The following CDH18 variants were observed in gnomAD, a reference collection of about 807,000 sequenced individuals.
CDH18 encodes cadherin 18.
A neutral mutation model predicts 67.9 loss-of-function variants in CDH18; 31 were observed. That is an observed-to-expected ratio of 0.46 (90% CI 0.34 to 0.62). The LOEUF (loss-of-function observed/expected upper bound fraction) is 0.62. Ranked by LOEUF, CDH18 falls within the 20% of genes least tolerant of loss-of-function variation. The probability of loss-of-function intolerance (pLI) is 0.01; values close to 1 mark genes in which losing one functional copy is unlikely to be tolerated. For missense variants in CDH18, 890 were observed against 975.5 expected, an observed-to-expected ratio of 0.91 and a Z score of 1.17; for synonymous variants, 362 against 347.2, an observed-to-expected ratio of 1.04 and a Z score of -0.48.
intron 3 of CDH18, among the ~76,000 whole-genome samples, chr5:19,754,600 G>A (rs1182412906): frequency 6.6e-6 from 1 of 152,114 alleles, no homozygotes; most frequent in African/African-American, 2.4e-5. Flanking sequence ...GCACTAGACA[G>A]GTCATCAAGA....
At chr5:20,400,717 G>A (rs1450571975) in intron 1 of CDH18, among the ~76,000 whole-genome samples, 1 of 151,988 alleles carries the variant, frequency 6.6e-6, no homozygotes, top group Non-Finnish European at 1.5e-5. Flanking sequence ...AACAGAGATG[G>A]TGCCACTGCA....
intron 1 of CDH18, among the ~76,000 whole-genome samples, chr5:20,319,337 C>T (rs184636060): frequency 1.3e-5 from 2 of 152,166 alleles, no homozygotes; most frequent in Non-Finnish European, 2.9e-5. Flanking sequence ...AATATATTTG[C>T]TTGTTTTCTC....
intron 2 of CDH18, among the ~76,000 whole-genome samples, chr5:19,883,191 C>G (rs1009006294): frequency 1.3e-5 from 2 of 152,112 alleles, no homozygotes; most frequent in South Asian, 2.1e-4. Flanking sequence ...TTTAAATAAG[C>G]TTTTCAGATG....
intron 5 of CDH18, among the ~76,000 whole-genome samples, chr5:19,642,459 A>G (rs1419725929): frequency 6.6e-6 from 1 of 152,054 alleles, no homozygotes; most frequent in African/African-American, 2.4e-5. Context: ...AAACACCATA[A>G]TACTTAAACA....
intron 7 of CDH18, among the ~76,000 whole-genome samples, chr5:19,576,710 C>T (rs1164075046): frequency 1.3e-5 from 2 of 152,094 alleles, no homozygotes; most frequent in Non-Finnish European, 2.9e-5. Flanking sequence ...GTAGAATTCC[C>T]ATAGGATCCA....
At chr5:19,542,240 A>G (rs2127069031) in intron 9 of CDH18, among the ~76,000 whole-genome samples, 1 of 152,228 alleles carries the variant, frequency 6.6e-6, no homozygotes, top group South Asian at 2.1e-4. Flanking sequence ...ACCACCTCAC[A>G]CCCACTAGAA....
intron 2 of CDH18, among the ~76,000 whole-genome samples, chr5:20,214,062 A>C (rs1261060100): frequency 1.3e-5 from 2 of 152,124 alleles, no homozygotes; most frequent in African/African-American, 4.8e-5. Context: ...GCCAAGAGCC[A>C]AATCAAGAAT....
intron 4 of CDH18, among the ~76,000 whole-genome samples, chr5:19,724,500 T>C (rs1373497896): frequency 1.6e-5 from 2 of 122,812 alleles, no homozygotes; most frequent in East Asian, 2.7e-4. Flanking sequence ...AGCACACTCG[T>C]ACACACAGAC....
At chr5:20,460,451 G>A (rs905760020) in intron 1 of CDH18, among the ~76,000 whole-genome samples, 6 of 149,638 alleles carry the variant, frequency 4.0e-5, no homozygotes, top group Non-Finnish European at 8.9e-5. Flanking sequence ...AAAATATGTT[G>A]CGTGACTGAG....
rs201165191 is a variant in CDH18, at chr5:20,095,299, A to AAAAGAAAG, written c.-517-103293_-517-103286dup. Among the ~76,000 whole-genome samples, 31 of 72,964 alleles carry AAAAGAAAG rather than the reference A, an allele frequency of 4.2e-4. 1 individual carries two copies. The highest frequency in any genetic ancestry group is 1.8e-3 in the East Asian group (5 of 2,786). 47.9% of individuals were successfully genotyped at this position (72,964 alleles called of 152,430 possible). A position where few individuals can be genotyped will look rare whatever the true frequency, so the allele number is the denominator to read the frequency against. On this transcript the variant is annotated intron_variant, in intron 2 of 14. Transcript: ENST00000507958. ...GCACATATATCCCAGAACTTAAAGT[A>AAAAGAAAG]AAAGAAAGAAAGAAAGAAAGAAAGA...
chr5:19,569,484 C>T (rs895381380), intron 8 of CDH18, among the ~76,000 whole-genome samples: 1 of 152,144 alleles, frequency 6.6e-6, no homozygotes, highest in African/African-American at 2.4e-5. Context: ...CATTCTCTTT[C>T]TGTGGAGAAT....
chr5:20,111,818 C>T (rs778414451), intron 2 of CDH18, among the ~76,000 whole-genome samples: 1 of 152,126 alleles, frequency 6.6e-6, no homozygotes, highest in African/African-American at 2.4e-5. Context: ...GCTGGGATTA[C>T]AGGCGTGAGC....
intron 1 of CDH18, among the ~76,000 whole-genome samples, chr5:20,407,233 A>G (rs1163425961): frequency 6.6e-6 from 1 of 152,170 alleles, no homozygotes; most frequent in Non-Finnish European, 1.5e-5. Context: ...TTTGGACCAC[A>G]CAACCAATGT....
intron 2 of CDH18, among the ~76,000 whole-genome samples, chr5:19,903,385 C>T (rs986130252): frequency 6.6e-6 from 1 of 151,232 alleles, no homozygotes; most frequent in Non-Finnish European, 1.5e-5. Flanking sequence ...TTCTTTCCTC[C>T]CTCCCTCCAG....
intron 8 of CDH18, among the ~76,000 whole-genome samples, chr5:19,544,245 C>T (rs1735920604): frequency 6.6e-6 from 1 of 151,626 alleles, no homozygotes; most frequent in Admixed American, 6.6e-5. Context: ...TACCAAATTC[C>T]ATGAATAAAA....
intron 3 of CDH18, among the ~76,000 whole-genome samples, chr5:19,765,214 T>C (rs929236430): frequency 2.6e-5 from 4 of 152,164 alleles, no homozygotes; most frequent in Non-Finnish European, 5.9e-5. Context: ...AGTGATGTGC[T>C]AAGGTGAATC....
rs555312286 is a variant in CDH18, at chr5:20,218,568, T to C, written c.-518+36876A>G. Among the ~76,000 whole-genome samples, 6 of 152,174 alleles carry C rather than the reference T, an allele frequency of 3.9e-5. No homozygotes were observed. The East Asian group carries it at 1.2e-3, about 29-fold the overall frequency. On this transcript the variant is annotated intron_variant, in intron 2 of 14. Transcript: ENST00000507958. ...CCCACCCAAATCTCATCTTGATTTG[T>C]ATTCCCATAATTCCCATGTGTTGTG...
At chr5:20,422,044 C>A (rs975799530) in intron 1 of CDH18, among the ~76,000 whole-genome samples, 3 of 150,946 alleles carry the variant, frequency 2.0e-5, no homozygotes, top group African/African-American at 7.4e-5. Context: ...AATGACACAT[C>A]AGACTAATAG....
At chr5:19,849,732 A>G (rs1221580761) in intron 2 of CDH18, among the ~76,000 whole-genome samples, 2 of 19,086 alleles carry the variant, frequency 1.0e-4, no homozygotes, top group South Asian at 7.0e-3. Context: ...ATATACACGC[A>G]TATATATAAA....
Sources: gnomAD v4.1 joint callset for allele counts (sites outside exome capture counted in the v4.1 genomes callset) on GRCh38, gnomAD v4.1.1 for gene constraint, MANE v1.5 for transcripts, NCBI Gene and HGNC (gene_info 2026-07-23, HGNC 2026-07-21) for gene names.